Variants in PRELID2 observed in about 807,000 individuals in gnomAD.
PRELID2 encodes the protein PRELI domain containing 2.
PRELID2 carries 25 observed loss-of-function variants against 28.4 expected under a neutral mutation model. The observed-to-expected ratio is 0.88, with a 90% CI of 0.64 to 1.23. The LOEUF is 1.23. Ranked by LOEUF, PRELID2 falls within the 50% of genes most tolerant of loss-of-function variation. PRELID2 has a pLI of 0.00. For missense variants in PRELID2, 201 were observed against 214.4 expected (o/e 0.94, Z 0.39); for synonymous variants, 76 against 71.6 (o/e 1.06, Z -0.31).
At chr5:145,697,033 TTATA>T (rs36117637) in intron 1 of PRELID2, among the ~76,000 whole-genome samples, 5,468 of 49,988 alleles carry the variant, frequency 0.11, 386 homozygotes, top group Non-Finnish European at 0.14. Context: ...GAGAGGAAAA[TTATA>T]TATATATATA....
chr5:145,558,928 G>A (rs1580977345), intron 1 of PRELID2, among the ~76,000 whole-genome samples: 1 of 152,272 alleles, frequency 6.6e-6, no homozygotes, highest in East Asian at 1.9e-4. Flanking sequence ...CTATAAAAAT[G>A]TTTGCACAAC....
At chr5:145,447,050 A>AAAATAAATAAATAAATAAATAAAT in the PRELID2 span, among the ~76,000 whole-genome samples, 78 of 140,234 alleles carry the variant, frequency 5.6e-4, no homozygotes, top group Admixed American at 1.4e-3. Context: ...ACTCCATCTC[A>AAAATAAATAAATAAATAAATAAAT]AAATAAATAA....
At chr5:145,348,837 T>G in the PRELID2 span, among the ~76,000 whole-genome samples, 1 of 152,152 alleles carries the variant, frequency 6.6e-6, no homozygotes, top group African/African-American at 2.4e-5. Flanking sequence ...ATGTTGAAAC[T>G]TTTCAACAAA....
intron 1 of PRELID2, among the ~76,000 whole-genome samples, chr5:145,597,385 G>A (rs1753324804): frequency 6.6e-6 from 1 of 152,006 alleles, no homozygotes; most frequent in South Asian, 2.1e-4. Context: ...TGGAAATTTT[G>A]CCAACTATCT....
intron 1 of PRELID2, among the ~76,000 whole-genome samples, chr5:145,730,878 G>C (rs563486588): frequency 2.0e-4 from 31 of 151,834 alleles, no homozygotes; most frequent in African/African-American, 7.5e-4. Context: ...CCTCTGGCCG[G>C]AAAGATGCCT....
chr5:145,694,792 A>G (rs76133527), intron 1 of PRELID2, among the ~76,000 whole-genome samples: 3,882 of 151,826 alleles, frequency 0.026, 179 homozygotes, highest in African/African-American at 0.088. Flanking sequence ...CAATAATTGC[A>G]TCCAAAGGAA....
chr5:145,446,598 T>C, the PRELID2 span, among the ~76,000 whole-genome samples: 1 of 152,120 alleles, frequency 6.6e-6, no homozygotes, highest in Non-Finnish European at 1.5e-5. Context: ...AGTTTGGATA[T>C]AGAACTGGCA....
At chr5:145,698,270 C>T (rs1755327094) in intron 1 of PRELID2, among the ~76,000 whole-genome samples, 1 of 152,154 alleles carries the variant, frequency 6.6e-6, no homozygotes, top group Non-Finnish European at 1.5e-5. Context: ...TACCAATTGC[C>T]TTACCTGTAG....
At chr5:145,812,106 G>A (rs1753988861) in intron 4 of PRELID2, among the ~76,000 whole-genome samples, 1 of 152,076 alleles carries the variant, frequency 6.6e-6, no homozygotes, top group South Asian at 2.1e-4. Context: ...TGGGGGAGCA[G>A]GTGTTCTAAG....
the PRELID2 span, among the ~76,000 whole-genome samples, chr5:145,249,670 T>C: frequency 6.6e-6 from 1 of 152,164 alleles, no homozygotes; most frequent in Non-Finnish European, 1.5e-5. Flanking sequence ...AACATTATTT[T>C]AAAGGGAAAA....
chr5:145,750,418 T>C (rs1581137764), intron 1 of PRELID2, among the ~76,000 whole-genome samples: 1 of 152,114 alleles, frequency 6.6e-6, no homozygotes, highest in African/African-American at 2.4e-5. Context: ...GTTTAGCTGC[T>C]GGCTCCTAAG....
intron 1 of PRELID2, among the ~76,000 whole-genome samples, chr5:145,707,974 G>T (rs568413137): frequency 1.3e-5 from 2 of 152,268 alleles, no homozygotes; most frequent in East Asian, 3.9e-4. Flanking sequence ...CTCAAAAGAT[G>T]CCTGGCACAT....
At chr5:145,545,599 G>A (rs1215800823) in intron 1 of PRELID2, among the ~76,000 whole-genome samples, 4 of 152,054 alleles carry the variant, frequency 2.6e-5, no homozygotes, top group East Asian at 1.9e-4. Flanking sequence ...AACAAACCTC[G>A]ATCTAGCACC....
chr5:145,337,694 T>TATAG, the PRELID2 span, among the ~76,000 whole-genome samples: 1 of 18,172 alleles, frequency 5.5e-5, no homozygotes, highest in African/African-American at 3.0e-4. Context: ...CAAATATATA[T>TATAG]ATATATATAT....
At chr5:145,463,602 T>C in the PRELID2 span, among the ~76,000 whole-genome samples, 3 of 152,188 alleles carry the variant, frequency 2.0e-5, no homozygotes, top group African/African-American at 7.2e-5. Context: ...GACTCTGATA[T>C]GGGTCCTGGA....
At chr5:145,479,642 A>G (rs1349165272) in intron 1 of PRELID2, among the ~76,000 whole-genome samples, 1 of 152,188 alleles carries the variant, frequency 6.6e-6, no homozygotes, top group African/African-American at 2.4e-5. Flanking sequence ...TGCTCAGTAA[A>G]TATGTATTGG....
intron 1 of PRELID2, among the ~76,000 whole-genome samples, chr5:145,576,326 G>T (rs1298266409): frequency 1.3e-5 from 2 of 152,022 alleles, no homozygotes; most frequent in African/African-American, 4.8e-5. Context: ...CTGTCTCTAT[G>T]GGCTTGCCTG....
chr5:145,473,150 G>C (rs1195981759), intron 2 of PRELID2: 1 of 152,142 alleles, frequency 6.6e-6, no homozygotes, highest in African/African-American at 2.4e-5. Context: ...AATCAATTTT[G>C]AGTGAAGAAG....
intron 1 of PRELID2, among the ~76,000 whole-genome samples, chr5:145,510,299 A>G (rs538839502): frequency 2.3e-4 from 35 of 152,274 alleles, no homozygotes; most frequent in African/African-American, 8.4e-4. Context: ...ACTTTTTCCC[A>G]GACTCTTTAG....
Sources: gnomAD v4.1 joint callset for allele counts (sites outside exome capture counted in the v4.1 genomes callset) on GRCh38, gnomAD v4.1.1 for gene constraint, MANE v1.5 for transcripts, NCBI Gene and HGNC (gene_info 2026-07-23, HGNC 2026-07-21) for gene names.